Variants in INTS7 observed in about 807,000 individuals in gnomAD.
INTS7 encodes the protein integrator complex subunit 7.
A neutral mutation model predicts 109.2 loss-of-function variants in INTS7; 46 were observed. That is an observed-to-expected ratio of 0.42 (90% CI 0.33 to 0.54). The LOEUF is 0.54. Ranked by LOEUF, INTS7 falls within the 20% of genes least tolerant of loss-of-function variation. INTS7 has a pLI of 0.07. For synonymous variants in INTS7, 412 were observed against 402.9 expected (o/e 1.02, Z -0.27); for missense variants, 929 against 1,132.4 (o/e 0.82, Z 2.58).
intron 4 of INTS7, among the ~76,000 whole-genome samples, chr1:212,012,496 T>C (rs1218259371): frequency 1.3e-5 from 2 of 152,154 alleles, no homozygotes; most frequent in Admixed American, 6.5e-5. Context: ...AGCTCACACC[T>C]GTAATCCCAG....
Position 212,006,680 on chromosome 1 carries a change from C to A in INTS7, c.838G>T (p.Ala280Ser), listed in dbSNP as rs1665923787. 6.3e-7 allele frequency: 1 copy of A among 1,589,300 alleles called. No homozygotes were observed. Among genetic ancestry groups the A allele is most frequent in the Non-Finnish European group, 8.6e-7 (1 of 1,159,560 alleles). ...RLAIQDLKLL[A>S]NKTPHTWSRE... ...CTCCAAGTATGTGGTGTTTTATTAG[C>A]AAGTAATTTCAGATCTTGAATAGCA... The change falls in exon 7 of 20, where the codon GCT becomes TCT. Residue 280 changes from alanine (A) to serine (S), a missense_variant. Ala to Ser is a moderately conservative substitution (Grantham distance 99). Transcript: ENST00000366994.
intron 7 of INTS7, among the ~76,000 whole-genome samples, chr1:212,002,090 G>T (rs560391775): frequency 6.6e-6 from 1 of 152,310 alleles, no homozygotes; most frequent in South Asian, 2.1e-4. Context: ...GAGTCTCCCA[G>T]AGTCTTGCCC....
At chr1:212,014,827 A>G (rs1306191454) in intron 4 of INTS7, among the ~76,000 whole-genome samples, 1 of 152,158 alleles carries the variant, frequency 6.6e-6, no homozygotes, top group East Asian at 1.9e-4. Flanking sequence ...TTGCAGACGG[A>G]GTCTCGCTCA....
intron 7 of INTS7, among the ~76,000 whole-genome samples, chr1:212,003,305 C>CAAAAAAAAAA: frequency 1.6e-5 from 1 of 61,896 alleles, no homozygotes; most frequent in Non-Finnish European, 3.4e-5. Context: ...AATTTTAAAG[C>CAAAAAAAAAA]AAAAAAAAAA....
chr1:212,033,193 C>T (rs529159131), intron 1 of INTS7, among the ~76,000 whole-genome samples: 7 of 151,822 alleles, frequency 4.6e-5, no homozygotes, highest in East Asian at 3.9e-4. Context: ...AGTTTGGGAA[C>T]GAAAAAAAGA....
Position 211,968,582 on chromosome 1 carries a change from A to T in INTS7, c.1941T>A (p.Pro647=). 1 of 1,614,076 alleles carries T rather than the reference A, an allele frequency of 6.2e-7. No homozygotes were observed. The highest frequency in any genetic ancestry group is 8.5e-7 in the Non-Finnish European group (1 of 1,179,972). The change falls in exon 14 of 20, where the codon CCT becomes CCA. Residue 647 remains proline (P), a synonymous_variant. Transcript: ENST00000366994. ...TCNSLKTSPP[P]AIATTIAMTL... is the part of the protein sequence containing the mutation. Reference sequence around the variant, plus strand: ...TCATGGCAATTGTTGTGGCAATTGCAGGTGGTGGGCTTGTCTTCAGGCTAT... The same window carrying T: ...TCATGGCAATTGTTGTGGCAATTGCTGGTGGTGGGCTTGTCTTCAGGCTAT...
chr1:211,945,014 C>A, intron 18 of INTS7, 45 bp from the exon 19 acceptor site: 1 of 1,581,700 alleles, frequency 6.3e-7, no homozygotes, highest in South Asian at 1.1e-5. Flanking sequence ...CAAGAGCAAG[C>A]TTCCTTCCGA....
At chr1:211,944,684 G>A in intron 19 of INTS7, 100 bp downstream of exon 19, 2 of 947,618 alleles carry the variant, frequency 2.1e-6, no homozygotes, top group Non-Finnish European at 3.3e-6. Context: ...CCCTTTGGAG[G>A]TATAACTGCA....
chr1:211,970,257 C>CAAGCCA (rs1182200153), intron 13 of INTS7, among the ~76,000 whole-genome samples: 1 of 152,162 alleles, frequency 6.6e-6, no homozygotes, highest in East Asian at 1.9e-4. Context: ...AATGGTAAGG[C>CAAGCCA]AAGCCAGGGT....
At chr1:211,999,558 A>T (rs1020615066) in intron 7 of INTS7, among the ~76,000 whole-genome samples, 2 of 152,196 alleles carry the variant, frequency 1.3e-5, no homozygotes, top group Non-Finnish European at 2.9e-5. Context: ...AAACTCATCC[A>T]ACTGCAAACC....
chr1:211,953,646 C>A (rs1008725777), intron 16 of INTS7, among the ~76,000 whole-genome samples: 11 of 148,600 alleles, frequency 7.4e-5, no homozygotes, highest in African/African-American at 2.2e-4. Flanking sequence ...TGAGAACATG[C>A]GGTGTTTGGT....
At chr1:212,032,336 T>C (rs757960249) in intron 1 of INTS7, among the ~76,000 whole-genome samples, 8 of 152,182 alleles carry the variant, frequency 5.3e-5, no homozygotes, top group Non-Finnish European at 1.2e-4. Context: ...CTCAGCACAG[T>C]AGCCAGACTG....
At chr1:211,974,270 AAAAAAAATATATATATATATATATAT>A (rs1446867618) in intron 13 of INTS7, among the ~76,000 whole-genome samples, 4 of 101,920 alleles carry the variant, frequency 3.9e-5, no homozygotes, top group Admixed American at 2.3e-4. Flanking sequence ...CTTCCCAGAA[AAAAAAAATATATATATATATATATAT>A]ATATATATAT....
chr1:212,021,175 T>C lies in INTS7; in HGVS notation c.132A>G (p.Ala44=), dbSNP rs755793418. The change falls in exon 2 of 20, where the codon GCA becomes GCG. Residue 44 remains alanine (A), a synonymous_variant. Transcript: ENST00000366994. Reference sequence around the variant, plus strand: ...GAAAAAGTCTGGGAAAGCGAACAACTGCTTCACACTGTTCACCAAGTTTGC... The same window carrying C: ...GAAAAAGTCTGGGAAAGCGAACAACCGCTTCACACTGTTCACCAAGTTTGC... ...RSGKLGEQCE[A]VVRFPRLFQK... 1 of 1,612,688 alleles carries C rather than the reference T, an allele frequency of 6.2e-7. No homozygotes were observed. The highest frequency in any genetic ancestry group is 1.1e-5 in the South Asian group (1 of 90,878).
intron 1 of INTS7, among the ~76,000 whole-genome samples, chr1:212,021,756 A>T (rs1157515394): frequency 6.6e-6 from 1 of 151,598 alleles, no homozygotes; most frequent in African/African-American, 2.4e-5. Context: ...GCTGAGGTGG[A>T]CGAATCACTT....
In INTS7 at chr1:211,973,513, T is replaced by G. The variant is rs558027364; in HGVS notation, c.1815+1653A>C. Among the ~76,000 whole-genome samples the G allele has an allele frequency of 3.9e-5, 6 of 152,276 alleles. No individual in the cohort carries two copies. The South Asian group carries it at 1.2e-3, about 32-fold the overall frequency. ...CTGAAGCAGATAAAAAGCATGATCC[T>G]CAAAGCTGTACGATCTCAGGTATGG... On this transcript the variant is annotated intron_variant, in intron 13 of 19. Transcript: ENST00000366994.
chr1:211,994,287 C>T (rs1287356913), intron 7 of INTS7, among the ~76,000 whole-genome samples: 3 of 152,014 alleles, frequency 2.0e-5, no homozygotes, highest in Non-Finnish European at 2.9e-5. Flanking sequence ...AAGGTTAAAT[C>T]GTTAGAATTG....
chr1:212,021,463 T>C (rs12120150), intron 1 of INTS7, among the ~76,000 whole-genome samples: 4,188 of 151,630 alleles, frequency 0.028, 147 homozygotes, highest in East Asian at 0.12. Context: ...TTCAAAGCCA[T>C]AAAATAAATC....
At chr1:211,988,117 T>C (rs1664975599) in intron 7 of INTS7, 114 bp from the exon 8 acceptor site, 7 of 550,032 alleles carry the variant, frequency 1.3e-5, no homozygotes, top group Middle Eastern at 7.9e-4. Flanking sequence ...AGGACTTTTT[T>C]TCATGTTAAA....
Sources: allele counts gnomAD v4.1 joint callset (sites outside exome capture counted in the v4.1 genomes callset), GRCh38; gene constraint gnomAD v4.1.1; transcripts MANE v1.5; gene names NCBI Gene and HGNC (gene_info 2026-07-23, HGNC 2026-07-21).